Variants in EDN3 observed in about 807,000 individuals in gnomAD.
EDN3 encodes the protein endothelin-3.
In EDN3, 9 loss-of-function variants were observed where a neutral mutation model predicts 21.4. That is an observed-to-expected ratio of 0.42 (90% CI 0.25 to 0.73). The LOEUF is 0.73. EDN3 is among the 30% of genes least tolerant of loss of function. The probability of loss-of-function intolerance (pLI) is 0.26; values close to 1 mark genes in which losing one functional copy is unlikely to be tolerated. For synonymous variants in EDN3, 133 were observed against 126.2 expected (o/e 1.05, Z -0.36); for missense variants, 327 against 309.4 (o/e 1.06, Z -0.43).
At chr20:59,319,275 C>G (rs1328897792) in intron 2 of EDN3, among the ~76,000 whole-genome samples, 3 of 152,030 alleles carry the variant, frequency 2.0e-5, no homozygotes, top group Admixed American at 2.0e-4. Flanking sequence ...TGTGTTCAAC[C>G]CAGCAGGGAG....
intron 2 of EDN3, among the ~76,000 whole-genome samples, chr20:59,307,187 G>A (rs531668966): frequency 1.3e-5 from 2 of 152,340 alleles, no homozygotes; most frequent in South Asian, 2.1e-4. Context: ...ACACCTGGCA[G>A]TATCATTGTT....
At chr20:59,304,974 G>A (rs1353729414) in intron 2 of EDN3, among the ~76,000 whole-genome samples, 1 of 152,158 alleles carries the variant, frequency 6.6e-6, no homozygotes, top group African/African-American at 2.4e-5. Context: ...TAAATCTCCA[G>A]TGCCTTCTCC....
At chr20:59,313,752 G>A (rs188311678) in intron 2 of EDN3, among the ~76,000 whole-genome samples, 1 of 152,148 alleles carries the variant, frequency 6.6e-6, no homozygotes, top group East Asian at 1.9e-4. Context: ...ATGAATTGCC[G>A]GTTCACTGTT....
chr20:59,302,298 G>C (rs1196640433), intron 2 of EDN3, among the ~76,000 whole-genome samples: 1 of 152,168 alleles, frequency 6.6e-6, no homozygotes, highest in Non-Finnish European at 1.5e-5. Flanking sequence ...ATTCACATCA[G>C]CTCGTCCTTG....
At chr20:59,317,618 C>T (rs921754911) in intron 2 of EDN3, among the ~76,000 whole-genome samples, 18 of 152,154 alleles carry the variant, frequency 1.2e-4, no homozygotes, top group Admixed American at 8.5e-4. Flanking sequence ...TACCTGTTTT[C>T]GTAGTCCAAC....
Position 59,324,587 on chromosome 20 carries a change from C to A in EDN3, c.*128C>A. 2.3e-6 allele frequency: 3 copies of A among 1,320,756 alleles called. No individual in the cohort carries two copies. The highest frequency in any genetic ancestry group is 3.2e-6 in the Non-Finnish European group (3 of 949,622). The allele number at this position is 1,320,756 out of a possible 1,614,324, so 81.8% of individuals were successfully genotyped here. A position where few individuals can be genotyped will look rare whatever the true frequency, so the allele number is the denominator to read the frequency against. ...GCAGAACACCCACCCAAAGAGTCCC[C>A]ACTTAACAATACCCCCCCCCCACGG... On this transcript the variant is annotated 3_prime_UTR_variant, in exon 5 of 5. Coordinates refer to ENST00000337938, the MANE Select transcript of EDN3 (RefSeq NM_207034.3).
chr20:59,301,330 C>A (rs1229597320), intron 1 of EDN3, 80 bp from the exon 2 acceptor site: 1 of 1,532,170 alleles, frequency 6.5e-7, no homozygotes, highest in African/African-American at 1.4e-5. Flanking sequence ...GCTCCACCCC[C>A]CTCCTCAGGT....
At chr20:59,306,970 C>A (rs961176571) in intron 2 of EDN3, among the ~76,000 whole-genome samples, 1 of 152,098 alleles carries the variant, frequency 6.6e-6, no homozygotes, top group African/African-American at 2.4e-5. Flanking sequence ...CATGGTGAAA[C>A]CCCGTCTGTA....
chr20:59,310,404 G>A (rs555691487), intron 2 of EDN3, among the ~76,000 whole-genome samples: 8 of 152,350 alleles, frequency 5.3e-5, no homozygotes, highest in Non-Finnish European at 1.0e-4. Flanking sequence ...GCATGGCTGA[G>A]TACAGACAGC....
intron 2 of EDN3, among the ~76,000 whole-genome samples, chr20:59,314,114 G>T (rs11570311): frequency 3.9e-5 from 6 of 152,220 alleles, no homozygotes; most frequent in Non-Finnish European, 5.9e-5. Context: ...ACACCTGGGG[G>T]AAAGGAGGGG....
intron 2 of EDN3, among the ~76,000 whole-genome samples, chr20:59,308,701 G>A (rs1162178135): frequency 2.0e-5 from 3 of 152,200 alleles, no homozygotes; most frequent in African/African-American, 4.8e-5. Context: ...AACACTCAAC[G>A]TCTTGAAGAT....
chr20:59,302,631 G>A (rs915940064), intron 2 of EDN3, among the ~76,000 whole-genome samples: 6 of 152,114 alleles, frequency 3.9e-5, no homozygotes, highest in Non-Finnish European at 7.4e-5. Flanking sequence ...TCTAAGATCT[G>A]GGACTTGGAT....
At chr20:59,309,975 C>T (rs1989690517) in intron 2 of EDN3, among the ~76,000 whole-genome samples, 1 of 152,126 alleles carries the variant, frequency 6.6e-6, no homozygotes, top group Non-Finnish European at 1.5e-5. Context: ...GGTTGTGACC[C>T]TGTGTGACCC....
intron 2 of EDN3, among the ~76,000 whole-genome samples, chr20:59,303,371 C>T (rs3026605): frequency 5.0e-4 from 76 of 152,216 alleles, no homozygotes; most frequent in Non-Finnish European, 1.0e-3. Context: ...GTAGCCCCTG[C>T]ACCTTGGCAC....
chr20:59,306,594 G>GAAAAAAAAAAAAAAAAAAAAAAAAAA (rs1989430275), intron 2 of EDN3, among the ~76,000 whole-genome samples: 1 of 28,646 alleles, frequency 3.5e-5, no homozygotes, highest in African/African-American at 1.6e-4. Flanking sequence ...TGCATAAAGA[G>GAAAAAAAAAAAAAAAAAAAAAAAAAA]TAAAAAAAAA....
intron 2 of EDN3, among the ~76,000 whole-genome samples, chr20:59,315,063 C>T (rs2146857721): frequency 6.6e-6 from 1 of 152,328 alleles, no homozygotes; most frequent in African/African-American, 2.4e-5. Context: ...CACGTTCTGA[C>T]TGGTTCAGAT....
At position 59,311,807 on chromosome 20, in the gene EDN3, G is replaced by T. The variant is rs116442802; in HGVS notation, c.366-9210G>T. Among the ~76,000 whole-genome samples, 117 of 152,238 alleles carry T rather than the reference G, an allele frequency of 7.7e-4. 1 individual carries two copies. The highest frequency in any genetic ancestry group is 2.7e-3 in the African/African-American group (111 of 41,562). On this transcript the variant is annotated intron_variant, in intron 2 of 4. Transcript: ENST00000337938. The stretch of plus-strand genomic sequence containing the variant: ...CCCAGCCCCTATTCAAGATAGAGTT[G>T]CTCTGGTTCGAACACCTCTGACAGA...
At chr20:59,315,056 G>A (rs754912379) in intron 2 of EDN3, among the ~76,000 whole-genome samples, 1 of 152,158 alleles carries the variant, frequency 6.6e-6, no homozygotes, top group Non-Finnish European at 1.5e-5. Context: ...TTAGAGCCAC[G>A]TTCTGACTGG....
rs940470306 is a variant in EDN3, at chr20:59,300,858, G to T, written c.46G>T (p.Ala16Ser). ...WLLFGLTVTS[A>S]AGFVPCSQSG... ...CCTTTTCGGGCTCACAGTGACCTCCGCCGCAGGTAAGCGCACGGGGCGGCG... is the reference window on the plus strand; with the variant it reads ...CCTTTTCGGGCTCACAGTGACCTCCTCCGCAGGTAAGCGCACGGGGCGGCG... The change falls in exon 1 of 5, where the codon GCC becomes TCC. Residue 16 changes from alanine (A) to serine (S), a missense_variant. Coordinates refer to ENST00000337938, the MANE Select transcript of EDN3 (RefSeq NM_207034.3). 6.2e-7 allele frequency: 1 copy of T among 1,611,222 alleles called. No homozygotes were observed. Among genetic ancestry groups the T allele is most frequent in the Non-Finnish European group, 8.5e-7 (1 of 1,179,638 alleles).
Sources: allele counts gnomAD v4.1 joint callset (sites outside exome capture counted in the v4.1 genomes callset), GRCh38; gene constraint gnomAD v4.1.1; transcripts MANE v1.5; gene names NCBI Gene and HGNC (gene_info 2026-07-23, HGNC 2026-07-21).